SVOPL: variants seen among roughly 807,000 people sequenced by gnomAD.
The protein encoded by SVOPL is SVOP like.
SVOPL carries 60 observed loss-of-function variants against 61.0 expected under a neutral mutation model. The observed-to-expected ratio is 0.98, with a 90% CI of 0.80 to 1.22. The LOEUF is 1.22. Among genes scored for constraint, SVOPL ranks in the 50% most tolerant of loss-of-function variants. The pLI is 0.00. For missense variants in SVOPL, 662 were observed against 643.9 expected (o/e 1.03, Z -0.30); for synonymous variants, 279 against 250.0 (o/e 1.12, Z -1.09).
chr7:138,621,930 G>T (rs28593303), intron 13 of SVOPL, among the ~76,000 whole-genome samples: 1 of 15,474 alleles, frequency 6.5e-5, no homozygotes, highest in Admixed American at 9.3e-4. Flanking sequence ...ATCTATCTAT[G>T]TATCTATCTA....
rs148691424 is a variant in SVOPL at position 138,655,501 on chromosome 7, A to G, written c.534+947T>C. On this transcript the variant is annotated intron_variant, in intron 7 of 15. Transcript: ENST00000674285. ...TCCTGGGCAACAAGAGCGAAACTCC[A>G]TTTCAAAAAATAAAATAAAAATATC... is the stretch of plus-strand genomic sequence containing the variant. Among the ~76,000 whole-genome samples the G allele has an allele frequency of 4.6e-3, 693 of 152,072 alleles. 2 individuals are homozygous for G. Among genetic ancestry groups the G allele is most frequent in the African/African-American group, 0.016 (644 of 41,522 alleles).
Position 138,671,645 on chromosome 7 carries a change from G to T in SVOPL, c.273+374C>A, listed in dbSNP as rs563451846. On this transcript the variant is annotated intron_variant, in intron 4 of 15. Coordinates refer to ENST00000674285, the MANE Select transcript of SVOPL (RefSeq NM_001139456.2). ...TTACAGGCATGAGCCACTGCACCAG[G>T]CCCATAAGGCTATTCTTAATGGTCT... is the stretch of plus-strand genomic sequence containing the variant. Among the ~76,000 whole-genome samples the T allele has an allele frequency of 4.1e-4, 63 of 152,274 alleles. No individual in the cohort carries two copies. The South Asian group carries it at 0.011, about 28-fold the overall frequency.
Position 138,630,076 on chromosome 7 carries a change from C to T in SVOPL, c.836G>A (p.Arg279Gln), listed in dbSNP as rs147440457. The T allele has an allele frequency of 1.6e-5, 26 of 1,613,758 alleles. No homozygotes were observed. The highest frequency in any genetic ancestry group is 1.1e-4 in the East Asian group (5 of 44,888). The change falls in exon 10 of 16, where the codon CGG becomes CAG. Residue 279 changes from arginine to glutamine, a missense_variant. Physicochemically the swap from Arg to Gln is conservative, Grantham distance 43. Coordinates refer to ENST00000674285, the MANE Select transcript of SVOPL (RefSeq NM_001139456.2). ...FADLLDAKYL[R>Q]TTLQIWVIWL... ...TATGACCCAGATCTGTAATGTGGTCCGTAAATATTTAGCATCCAATAGGTC... is the reference window on the plus strand; with the variant it reads ...TATGACCCAGATCTGTAATGTGGTCTGTAAATATTTAGCATCCAATAGGTC...
At chr7:138,652,751 A>G (rs1407755691) in intron 7 of SVOPL, among the ~76,000 whole-genome samples, 2 of 151,960 alleles carry the variant, frequency 1.3e-5, no homozygotes, top group Non-Finnish European at 2.9e-5. Flanking sequence ...CAGTCTCCCA[A>G]GTAGCTGGGA....
At chr7:138,682,147 T>C (rs1802713378) in intron 1 of SVOPL, among the ~76,000 whole-genome samples, 1 of 152,284 alleles carries the variant, frequency 6.6e-6, no homozygotes, top group African/African-American at 2.4e-5. Context: ...AAGGATGGAA[T>C]TAAATCATGA....
intron 14 of SVOPL, chr7:138,596,836 T>C: frequency 9.0e-6 from 10 of 1,108,874 alleles, no homozygotes; most frequent in Non-Finnish European, 1.1e-5. Context: ...ATCTGCCCGT[T>C]TCCCCACCCC....
At chr7:138,606,363 C>G (rs1443489250) in intron 14 of SVOPL, among the ~76,000 whole-genome samples, 1 of 151,990 alleles carries the variant, frequency 6.6e-6, no homozygotes, top group Non-Finnish European at 1.5e-5. Flanking sequence ...AGAGGGTTGC[C>G]ATTTTTCAGT....
At position 138,621,044 on chromosome 7, in the gene SVOPL, A is replaced by T; in HGVS notation, c.1353+2T>A. ...CTCTCCCTGCAGGGTCCTTGGCTGTACCTGGGATATAAATGGTGCCACCAT... is the reference window on the plus strand; with the variant it reads ...CTCTCCCTGCAGGGTCCTTGGCTGTTCCTGGGATATAAATGGTGCCACCAT... On this transcript the variant is annotated splice_donor_variant, in intron 14 of 15. Coordinates refer to ENST00000674285, the MANE Select transcript of SVOPL (RefSeq NM_001139456.2). LOFTEE classifies it high-confidence loss of function. The T allele has an allele frequency of 6.2e-7, 1 of 1,613,338 alleles. No individual in the cohort carries two copies. The highest frequency in any genetic ancestry group is 8.5e-7 in the Non-Finnish European group (1 of 1,179,642).
chr7:138,632,793 C>T (rs1380061114), intron 9 of SVOPL, among the ~76,000 whole-genome samples: 1 of 152,086 alleles, frequency 6.6e-6, no homozygotes, highest in East Asian at 1.9e-4. Flanking sequence ...CTCAGTGCTC[C>T]TCAGTCCTGG....
chr7:138,612,955 T>C lies in SVOPL; in HGVS notation c.1353+8091A>G, dbSNP rs1432981080. Reference sequence around the variant, plus strand: ...GCAATGTGAACTGAGAGTTGTCTTATAAGCTTACTCTACCCTTTCCCTCCT... The same window carrying C: ...GCAATGTGAACTGAGAGTTGTCTTACAAGCTTACTCTACCCTTTCCCTCCT... On this transcript the variant is annotated intron_variant, in intron 14 of 15. Transcript: ENST00000674285. 3.9e-5 allele frequency among the ~76,000 whole-genome samples: 6 copies of C among 152,178 alleles called. No homozygotes were observed. The East Asian group carries it at 9.6e-4, about 24-fold the overall frequency.
rs1400027277 is a variant in SVOPL at position 138,672,664 on chromosome 7, A to AAAAAAAAAC, written c.175-548_175-547insGTTTTTTTT. 3.4e-4 allele frequency among the ~76,000 whole-genome samples: 51 copies of AAAAAAAAAC among 150,466 alleles called. No homozygotes were observed. In the South Asian group the frequency reaches 9.6e-3, roughly 28 times the overall value. ...GTGTTTTTTTTTGTGTTTAAAAAAA[A>AAAAAAAAAC]AAAAAAAAAAAGAAGCAATGGGATC... is the stretch of plus-strand genomic sequence containing the variant. On this transcript the variant is annotated intron_variant, in intron 3 of 15. Coordinates refer to ENST00000674285, the MANE Select transcript of SVOPL (RefSeq NM_001139456.2).
At chr7:138,665,943 A>T (rs891518039) in intron 4 of SVOPL, among the ~76,000 whole-genome samples, 3 of 152,168 alleles carry the variant, frequency 2.0e-5, no homozygotes, top group African/African-American at 7.2e-5. Context: ...GCCTTGCACA[A>T]AGACCACTGA....
chr7:138,700,619 G>C (rs569767192), intron 1 of SVOPL, among the ~76,000 whole-genome samples: 3 of 151,974 alleles, frequency 2.0e-5, no homozygotes, highest in Admixed American at 6.6e-5. Flanking sequence ...GATTACAGGC[G>C]TGAGCCACCG....
In SVOPL at chr7:138,679,021, C is replaced by T. The variant is rs1802641812; in HGVS notation, c.25G>A (p.Val9Ile). The T allele has an allele frequency of 3.9e-6, 6 of 1,551,534 alleles. No individual in the cohort carries two copies. Among genetic ancestry groups the T allele is most frequent in the African/African-American group, 2.7e-5 (2 of 73,034 alleles). MATKPTEP[V>I]TILSLRKLSL... ...AATTTCCGAAGGCTGAGGATCGTGA[C>T]AGGCTCTGTTGGCTTGGTTGCCATC... The change falls in exon 2 of 16, where the codon GTC becomes ATC. Residue 9 changes from valine (V) to isoleucine (I), a missense_variant. By Grantham distance (29) the Val-to-Ile change is conservative. Transcript: ENST00000674285.
intron 4 of SVOPL, 36 bp downstream of exon 4, chr7:138,671,983 G>GC (rs1447943491): frequency 1.9e-6 from 3 of 1,540,980 alleles, no homozygotes; most frequent in African/African-American, 2.7e-5. Context: ...TACGCCCTCA[G>GC]TTGCTGTGTT....
chr7:138,627,324 AT>A, intron 12 of SVOPL, 25 bp downstream of exon 12: 1 of 1,574,544 alleles, frequency 6.4e-7, no homozygotes, highest in Non-Finnish European at 8.7e-7. Flanking sequence ...ACTGCACAAA[AT>A]CTGAAGCAAT....
intron 9 of SVOPL, among the ~76,000 whole-genome samples, chr7:138,639,840 C>T (rs1460780123): frequency 6.6e-6 from 1 of 152,006 alleles, no homozygotes; most frequent in Non-Finnish European, 1.5e-5. Flanking sequence ...CCTCAACCTC[C>T]TGGACTCAAG....
intron 1 of SVOPL, among the ~76,000 whole-genome samples, chr7:138,700,674 G>A (rs79684396): frequency 0.12 from 12,670 of 108,884 alleles, 917 homozygotes; most frequent in African/African-American, 0.24. Flanking sequence ...TTCTAACCCA[G>A]TAAGAGGATG....
At chr7:138,623,132 A>C (rs989334861) in intron 13 of SVOPL, among the ~76,000 whole-genome samples, 1 of 152,144 alleles carries the variant, frequency 6.6e-6, no homozygotes, top group Admixed American at 6.6e-5. Context: ...TTTATGGGGA[A>C]CTTTATTATT....
Sources: gnomAD v4.1 joint callset for allele counts (sites outside exome capture counted in the v4.1 genomes callset) on GRCh38, gnomAD v4.1.1 for gene constraint, MANE v1.5 for transcripts, NCBI Gene and HGNC (gene_info 2026-07-23, HGNC 2026-07-21) for gene names.